Variants in EML1 observed in about 807,000 individuals in gnomAD.
The protein encoded by EML1 is echinoderm microtubule-associated protein-like 1.
A neutral mutation model predicts 110.4 loss-of-function variants in EML1; 27 were observed. That is an observed-to-expected ratio of 0.24 (90% CI 0.18 to 0.34). The LOEUF is 0.34. EML1 is among the 10% of genes least tolerant of loss of function. EML1 has a pLI of 1.00. For synonymous variants in EML1, 344 were observed against 385.8 expected (o/e 0.89, Z 1.27); for missense variants, 741 against 1,030.9 (o/e 0.72, Z 3.85).
chr14:99,833,791 T>C (rs190461061), intron 1 of EML1, among the ~76,000 whole-genome samples: 103 of 152,360 alleles, frequency 6.8e-4, no homozygotes, highest in Non-Finnish European at 1.2e-3. Context: ...CCCAATTGTT[T>C]GGTGCAAGTA....
chr14:99,816,146 C>T (rs978248707), intron 1 of EML1, among the ~76,000 whole-genome samples: 8 of 152,138 alleles, frequency 5.3e-5, no homozygotes, highest in Admixed American at 6.5e-5. Flanking sequence ...TCCGACTAGA[C>T]GTACTTTCAC....
intron 1 of EML1, among the ~76,000 whole-genome samples, chr14:99,763,825 C>T (rs577214063): frequency 3.3e-5 from 5 of 152,232 alleles, no homozygotes; most frequent in East Asian, 1.9e-4. Flanking sequence ...CAGGGAGCAC[C>T]GGGAGGACCC....
chr14:99,879,627 T>A (rs1398710130), intron 4 of EML1, among the ~76,000 whole-genome samples: 1 of 152,238 alleles, frequency 6.6e-6, no homozygotes, highest in Non-Finnish European at 1.5e-5. Flanking sequence ...ACTTCTCACA[T>A]CTATAACAGG....
chr14:99,859,061 T>C (rs1305272176), intron 2 of EML1, among the ~76,000 whole-genome samples: 1 of 152,244 alleles, frequency 6.6e-6, no homozygotes, highest in Non-Finnish European at 1.5e-5. Flanking sequence ...CTAGAACTTC[T>C]AGATTTATTC....
chr14:99,887,652 C>T (rs1226716166), intron 4 of EML1, among the ~76,000 whole-genome samples: 1 of 152,122 alleles, frequency 6.6e-6, no homozygotes, highest in East Asian at 1.9e-4. Context: ...AGATGAATTA[C>T]GTAACACCTT....
In EML1 at chr14:99,897,172, T is replaced by G. The variant is rs758244572; in HGVS notation, c.705T>G (p.Arg235=). Residue 235 remains arginine (R), a synonymous_variant, in exon 7 of 22, where the codon CGT becomes CGG. Coordinates refer to ENST00000262233, the MANE Select transcript of EML1 (RefSeq NM_004434.3). ...ATGGGTACAGGGGTCGAGACTGCCG[T>G]AACAACCTGTACTTGCTTCCGACGG... is the stretch of plus-strand genomic sequence containing the variant. ...WVYGYRGRDC[R]NNLYLLPTGE... 3.7e-6 allele frequency: 6 copies of G among 1,612,032 alleles called. No individual in the cohort carries two copies. The highest frequency in any genetic ancestry group is 5.1e-6 in the Non-Finnish European group (6 of 1,179,114).
intron 17 of EML1, among the ~76,000 whole-genome samples, chr14:99,931,890 G>C (rs1271844369): frequency 6.6e-6 from 1 of 152,228 alleles, no homozygotes; most frequent in Non-Finnish European, 1.5e-5. Flanking sequence ...CCGGGCAGTC[G>C]TCGCGGTCAA....
chr14:99,819,256 G>A (rs993427284), intron 1 of EML1, among the ~76,000 whole-genome samples: 1 of 152,170 alleles, frequency 6.6e-6, no homozygotes, highest in Admixed American at 6.5e-5. Context: ...CGCCTGGCCA[G>A]AACATGCTTT....
rs2060512561 is a variant in EML1, at chr14:99,938,384, T to TCTCTTTACG, written c.2191+473_2191+481dup. On this transcript the variant is annotated intron_variant, in intron 20 of 21. Coordinates refer to ENST00000262233, the MANE Select transcript of EML1 (RefSeq NM_004434.3). ...GAATTTTTAAAGATAGTGTTTATTG[T>TCTCTTTACG]CTCTTTACGTAAGACTACAAGTCTT... Among the ~76,000 whole-genome samples, 4 of 152,384 alleles carry TCTCTTTACG rather than the reference T, an allele frequency of 2.6e-5. No individual in the cohort carries two copies. In the South Asian group the frequency reaches 8.3e-4, roughly 32 times the overall value.
intron 1 of EML1, among the ~76,000 whole-genome samples, chr14:99,786,704 G>A (rs2057604494): frequency 6.6e-5 from 10 of 152,244 alleles, no homozygotes; most frequent in Admixed American, 6.5e-4. Context: ...GGGCAGGGGT[G>A]TGTTGAATGC....
At chr14:99,851,651 C>T (rs2058807297) in intron 2 of EML1, among the ~76,000 whole-genome samples, 1 of 152,158 alleles carries the variant, frequency 6.6e-6, no homozygotes, top group Admixed American at 6.5e-5. Flanking sequence ...AGAGAGCTTG[C>T]AGAAAGAACC....
In EML1 at chr14:99,765,980, C is replaced by T. The variant is rs139019109; in HGVS notation, c.28+28120C>T. On this transcript the variant is annotated intron_variant, in intron 1 of 10. Transcript: ENST00000554479. ...TTACTACTTACACATTCATGGCTAACGATTAATGGTTAATAAAATGATTAC... is the reference window on the plus strand; with the variant it reads ...TTACTACTTACACATTCATGGCTAATGATTAATGGTTAATAAAATGATTAC... Among the ~76,000 whole-genome samples, 45 of 152,192 alleles carry T rather than the reference C, an allele frequency of 3.0e-4. No individual in the cohort carries two copies. The East Asian group carries it at 8.1e-3, about 27-fold the overall frequency.
chr14:99,737,885 C>T (rs766276125), intron 1 of EML1: 6 of 1,287,610 alleles, frequency 4.7e-6, no homozygotes, highest in African/African-American at 3.0e-5. Flanking sequence ...TATATTTACC[C>T]GCTGTGGCTC....
chr14:99,870,863 C>A (rs998475427), intron 3 of EML1, among the ~76,000 whole-genome samples: 2 of 152,132 alleles, frequency 1.3e-5, no homozygotes, highest in African/African-American at 2.4e-5. Context: ...TCTGATGGAG[C>A]GGAAATTAAT....
chr14:99,763,646 G>C (rs1422735913), intron 1 of EML1, among the ~76,000 whole-genome samples: 3 of 152,128 alleles, frequency 2.0e-5, no homozygotes, highest in African/African-American at 7.2e-5. Flanking sequence ...ATGAGCTTGT[G>C]GTCTTCGTGT....
chr14:99,937,845 A>G lies in EML1; in HGVS notation c.2124A>G (p.Val708=), dbSNP rs752033979. The change falls in exon 20 of 22, where the codon GTA becomes GTG. Residue 708 remains valine, a synonymous_variant. Transcript: ENST00000262233. Reference sequence around the variant, plus strand: ...TTCCCTCTGCCTGTAAGCAAGTCGTAAGTGTGGAAACTACAAGAGACATTG... The same window carrying G: ...TTCCCTCTGCCTGTAAGCAAGTCGTGAGTGTGGAAACTACAAGAGACATTG... The part of the protein sequence containing the change: ...YWVPSACKQV[V]SVETTRDIEW... The G allele has an allele frequency of 3.1e-6, 5 of 1,614,146 alleles. No homozygotes were observed. The highest frequency in any genetic ancestry group is 4.2e-6 in the Non-Finnish European group (5 of 1,179,980).
chr14:99,919,435 C>CACAG (rs1269102760), intron 16 of EML1, among the ~76,000 whole-genome samples: 4 of 149,958 alleles, frequency 2.7e-5, no homozygotes, highest in African/African-American at 1.0e-4. Context: ...GACACACACA[C>CACAG]ACACACACAC....
At chr14:99,738,181 C>A (rs1309631205) in intron 1 of EML1, among the ~76,000 whole-genome samples, 2 of 152,212 alleles carry the variant, frequency 1.3e-5, no homozygotes, top group Non-Finnish European at 2.9e-5. Context: ...CATGGGTGGG[C>A]TCAGGATGCC....
chr14:99,887,545 C>T (rs1290455026), intron 4 of EML1, among the ~76,000 whole-genome samples: 1 of 152,118 alleles, frequency 6.6e-6, no homozygotes, highest in Non-Finnish European at 1.5e-5. Flanking sequence ...CCCCGCACCC[C>T]GCCACCGCCA....
Sources: gnomAD v4.1 joint callset for allele counts (sites outside exome capture counted in the v4.1 genomes callset) on GRCh38, gnomAD v4.1.1 for gene constraint, MANE v1.5 for transcripts, NCBI Gene and HGNC (gene_info 2026-07-23, HGNC 2026-07-21) for gene names.